The following SH3BP5 variants were observed in gnomAD, a reference collection of about 807,000 sequenced individuals.
SH3BP5 encodes SH3 domain-binding protein 5.
Under a neutral mutation model 43.3 loss-of-function variants are expected in SH3BP5, and 22 were observed. The ratio of observed to expected loss-of-function variants is 0.51; its 90% CI spans 0.36 to 0.73. SH3BP5 has a LOEUF of 0.73. Among genes scored for constraint, SH3BP5 ranks in the 30% least tolerant of loss-of-function variants. The pLI is 0.00. For missense variants in SH3BP5, 529 were observed against 586.9 expected, an observed-to-expected ratio of 0.90 and a Z score of 1.02; for synonymous variants, 255 against 225.8, an observed-to-expected ratio of 1.13 and a Z score of -1.16.
At chr3:15,297,165 C>T (rs1241662039) in intron 3 of SH3BP5, among the ~76,000 whole-genome samples, 1 of 152,212 alleles carries the variant, frequency 6.6e-6, no homozygotes, top group African/African-American at 2.4e-5. Flanking sequence ...AGGCCCATGC[C>T]ACACTATCCC....
chr3:15,269,218 C>G (rs965939807), intron 4 of SH3BP5, among the ~76,000 whole-genome samples: 1 of 152,164 alleles, frequency 6.6e-6, no homozygotes, highest in African/African-American at 2.4e-5. Flanking sequence ...TGTCAACTCC[C>G]TGAATCCCAG....
At chr3:15,324,764 G>A (rs761632081) in intron 2 of SH3BP5, among the ~76,000 whole-genome samples, 5 of 151,676 alleles carry the variant, frequency 3.3e-5, no homozygotes, top group Admixed American at 6.6e-5. Flanking sequence ...AATAATTCAT[G>A]AGGGAGGGGC....
chr3:15,268,415 C>T (rs774728665), intron 4 of SH3BP5, among the ~76,000 whole-genome samples: 6 of 152,170 alleles, frequency 3.9e-5, no homozygotes, highest in Admixed American at 6.5e-5. Flanking sequence ...ACCCCGTACC[C>T]GCGCCGTCCA....
intron 4 of SH3BP5, among the ~76,000 whole-genome samples, chr3:15,267,060 G>A (rs1347121177): frequency 1.3e-5 from 2 of 152,216 alleles, no homozygotes; most frequent in African/African-American, 2.4e-5. Context: ...AAGCTCCCTT[G>A]TTCTACAGAA....
chr3:15,312,304 T>C lies in SH3BP5; in HGVS notation c.202-8073A>G, dbSNP rs1698079137. On this transcript the variant is annotated intron_variant, in intron 2 of 8. Coordinates refer to ENST00000383791, the MANE Select transcript of SH3BP5 (RefSeq NM_004844.5). ...AATTACTCTTTCATTGAATTTTCTG[T>C]TTGGAAAAATAGTCCTTTTCCATAA... Among the ~76,000 whole-genome samples the C allele has an allele frequency of 1.3e-5, 2 of 152,228 alleles. 1 individual carries two copies. The highest frequency in any genetic ancestry group is 4.1e-4 in the South Asian group (2 of 4,836).
intron 3 of SH3BP5, among the ~76,000 whole-genome samples, chr3:15,300,570 C>T (rs1415947400): frequency 6.6e-6 from 1 of 152,098 alleles, no homozygotes; most frequent in African/African-American, 2.4e-5. Context: ...GGACATCGCC[C>T]CCCTCACCAT....
intron 2 of SH3BP5, among the ~76,000 whole-genome samples, chr3:15,306,346 G>T (rs919575576): frequency 1.3e-5 from 2 of 151,852 alleles, no homozygotes; most frequent in Admixed American, 6.6e-5. Flanking sequence ...GAGACAGAGC[G>T]AGACTCCGTC....
At chr3:15,289,852 T>C (rs2125091806) in intron 3 of SH3BP5, among the ~76,000 whole-genome samples, 1 of 152,306 alleles carries the variant, frequency 6.6e-6, no homozygotes, top group African/African-American at 2.4e-5. Flanking sequence ...CCACCTTGGA[T>C]GAGTGCCCAG....
intron 3 of SH3BP5, among the ~76,000 whole-genome samples, chr3:15,272,355 G>A (rs1181596548): frequency 2.0e-5 from 3 of 152,194 alleles, no homozygotes; most frequent in Non-Finnish European, 2.9e-5. Context: ...ATGTGACAGT[G>A]CCACAGCAGG....
rs765719213 is a variant in SH3BP5, at chr3:15,262,141, G to C, written c.626+18C>G. On this transcript the variant is annotated intron_variant, in intron 5 of 8. Transcript: ENST00000383791. ...AGGACAGCCGCACGGCCCCAGGGAAGGCCCTGTCCAGACTTACTTGGACTT... is the reference window on the plus strand; with the variant it reads ...AGGACAGCCGCACGGCCCCAGGGAACGCCCTGTCCAGACTTACTTGGACTT... 46 of 1,613,350 alleles carry C rather than the reference G, an allele frequency of 2.9e-5. No individual in the cohort carries two copies. Among genetic ancestry groups the C allele is most frequent in the Non-Finnish European group, 3.9e-5 (46 of 1,179,490 alleles).
At chr3:15,266,288 G>A (rs1696643906) in intron 4 of SH3BP5, among the ~76,000 whole-genome samples, 1 of 152,230 alleles carries the variant, frequency 6.6e-6, no homozygotes. Flanking sequence ...CCAACGTCAG[G>A]GAGGCTGTCG....
chr3:15,332,576 G>C lies in SH3BP5; in HGVS notation c.-168C>G. The C allele has an allele frequency of 1.6e-6, 2 of 1,221,594 alleles. No homozygotes were observed. The highest frequency in any genetic ancestry group is 3.5e-5 in the East Asian group (1 of 28,562). The allele number at this position is 1,221,594 out of a possible 1,614,324, so 75.7% of individuals were successfully genotyped here. The stretch of plus-strand genomic sequence containing the variant: ...GCCGATGCGGATACCTCCGGCCGCG[G>C]CGGAGCAGAGGAAATGGGCGCGGCC... On this transcript the variant is annotated 5_prime_UTR_variant, in exon 1 of 9. Coordinates refer to ENST00000383791, the MANE Select transcript of SH3BP5 (RefSeq NM_004844.5).
intron 2 of SH3BP5, among the ~76,000 whole-genome samples, chr3:15,320,676 CAA>C (rs1294370784): frequency 6.9e-6 from 1 of 144,318 alleles, no homozygotes; most frequent in Non-Finnish European, 1.5e-5. Flanking sequence ...CAAATGCTGA[CAA>C]AGAAAAATAA....
intron 1 of SH3BP5, among the ~76,000 whole-genome samples, chr3:15,338,058 T>C (rs1698723416): frequency 1.3e-5 from 2 of 151,830 alleles, no homozygotes; most frequent in East Asian, 1.9e-4. Context: ...TAATGCTTTG[T>C]GAGCTAGGCG....
In SH3BP5 at chr3:15,332,278, C is replaced by T; in HGVS notation, c.131G>A (p.Arg44Gln). ...CGACCCCGCGCGCCCTACCTGGATC[C>T]GGGGATCCACCTCTTCTTCCTCCTC... Reference protein sequence around the residue: ...GLEEEEEVDPRIQGELEKLNQ... With the variant: ...GLEEEEEVDPQIQGELEKLNQ... The change falls in exon 1 of 9, where the codon CGG (arginine) becomes CAG (glutamine). Residue 44 changes from arginine to glutamine, a missense_variant. Physicochemically the swap from Arg to Gln is conservative, Grantham distance 43 (BLOSUM62 1). Transcript: ENST00000383791. The T allele has an allele frequency of 1.3e-6, 2 of 1,550,032 alleles. No homozygotes were observed. The highest frequency in any genetic ancestry group is 1.7e-6 in the Non-Finnish European group (2 of 1,149,752).
chr3:15,293,930 T>C (rs1200352320), intron 3 of SH3BP5, among the ~76,000 whole-genome samples: 1 of 151,614 alleles, frequency 6.6e-6, no homozygotes, highest in African/African-American at 2.4e-5. Context: ...ATACAAAAAT[T>C]AGCCTGGTGT....
At chr3:15,289,079 T>C (rs905105549) in intron 3 of SH3BP5, among the ~76,000 whole-genome samples, 4 of 152,224 alleles carry the variant, frequency 2.6e-5, no homozygotes, top group Non-Finnish European at 5.9e-5. Context: ...AAAAGAGTCT[T>C]ATGCCTGCTC....
chr3:15,323,127 CAAATAAATAAATAAATAAAT>C (rs141252585), intron 2 of SH3BP5, among the ~76,000 whole-genome samples: 1 of 146,074 alleles, frequency 6.8e-6, no homozygotes, highest in African/African-American at 2.6e-5. Flanking sequence ...GACCCTGTCT[CAAATAAATAAATAAATAAAT>C]AAATAAATAA....
chr3:15,262,278 C>T lies in SH3BP5; in HGVS notation c.507G>A (p.Ala169=), dbSNP rs557635631. The change falls in exon 5 of 9, where the codon GCG becomes GCA. Residue 169 remains alanine, a synonymous_variant. Transcript: ENST00000383791. ...LNHATQRVME[A]EQTKTRSELV... is the part of the protein sequence containing the mutation. Reference sequence around the variant, plus strand: ...GCTCGCTCCTGGTCTTGGTCTGCTCCGCCTCCATGACCTTAAAATGACAGC... The same window carrying T: ...GCTCGCTCCTGGTCTTGGTCTGCTCTGCCTCCATGACCTTAAAATGACAGC... 106 of 1,614,166 alleles carry T rather than the reference C, an allele frequency of 6.6e-5. No individual in the cohort carries two copies. The Admixed American group carries it at 8.2e-4, about 12-fold the overall frequency.
Sources: allele counts gnomAD v4.1 joint callset (sites outside exome capture counted in the v4.1 genomes callset), GRCh38; gene constraint gnomAD v4.1.1; transcripts MANE v1.5; gene names NCBI Gene and HGNC (gene_info 2026-07-23, HGNC 2026-07-21).